The following ENKUR variants were observed in gnomAD, a reference collection of about 807,000 sequenced individuals.
The protein encoded by ENKUR is enkurin, TRPC channel interacting protein.
Under a neutral mutation model 27.6 loss-of-function variants are expected in ENKUR, and 19 were observed. That is an observed-to-expected ratio of 0.69 (90% CI 0.48 to 1.01). The LOEUF (loss-of-function observed/expected upper bound fraction) is 1.01. Among genes scored for constraint, ENKUR ranks in the 50% least tolerant of loss-of-function variants. The pLI is 0.00. For missense variants in ENKUR, 312 were observed against 310.5 expected (o/e 1.00, Z -0.04); for synonymous variants, 117 against 96.9 (o/e 1.21, Z -1.22).
intron 2 of ENKUR, chr10:25,025,507 C>G (rs1850832818): frequency 6.7e-7 from 1 of 1,497,886 alleles, no homozygotes. Context: ...AATAATAAAT[C>G]TCAAACACTG....
chr10:24,989,451 A>G (rs1296029642), intron 4 of ENKUR, among the ~76,000 whole-genome samples: 1 of 152,202 alleles, frequency 6.6e-6, no homozygotes, highest in Non-Finnish European at 1.5e-5. Context: ...CTAACGATCT[A>G]CAATCCTCCA....
At chr10:25,009,418 AT>A (rs770932641) in intron 1 of ENKUR, among the ~76,000 whole-genome samples, 27 of 152,324 alleles carry the variant, frequency 1.8e-4, no homozygotes, top group Non-Finnish European at 3.8e-4. Flanking sequence ...AAAAAATAAG[AT>A]TATGTGATTA....
intron 1 of ENKUR, among the ~76,000 whole-genome samples, chr10:25,012,601 G>T (rs1488593356): frequency 6.6e-6 from 1 of 152,208 alleles, no homozygotes; most frequent in African/African-American, 2.4e-5. Context: ...TTAGAATCTG[G>T]ACTTGCAAGG....
chr10:25,051,894 C>T (rs1219914710), intron 2 of ENKUR, among the ~76,000 whole-genome samples: 2 of 152,194 alleles, frequency 1.3e-5, no homozygotes, highest in African/African-American at 4.8e-5. Context: ...TCCCCTGTTC[C>T]TCTGAAATGA....
chr10:24,986,797 G>A (rs115874416), intron 4 of ENKUR, among the ~76,000 whole-genome samples: 5 of 152,106 alleles, frequency 3.3e-5, no homozygotes, highest in East Asian at 1.9e-4. Flanking sequence ...AATACGCTAC[G>A]TGCTGACTTT....
At chr10:25,033,925 CTA>C (rs953643447) in intron 2 of ENKUR, among the ~76,000 whole-genome samples, 1 of 151,694 alleles carries the variant, frequency 6.6e-6, no homozygotes, top group Non-Finnish European at 1.5e-5. Context: ...ATCTCTCTCT[CTA>C]TATATATGTA....
rs1020685527 is a variant in ENKUR, at chr10:25,057,135, T to C, written c.37+3977A>G. Reference sequence around the variant, plus strand: ...GAAAAAGTAAAAAGAAAATGAGCTATATAATACAAAATGTATGTACATTTA... The same window carrying C: ...GAAAAAGTAAAAAGAAAATGAGCTACATAATACAAAATGTATGTACATTTA... On this transcript the variant is annotated intron_variant, in intron 2 of 5. Coordinates refer to the ENKUR transcript ENST00000615958. Among the ~76,000 whole-genome samples, 5 of 152,140 alleles carry C rather than the reference T, an allele frequency of 3.3e-5. No homozygotes were observed. The East Asian group carries it at 7.7e-4, about 23-fold the overall frequency.
chr10:25,009,279 A>C (rs1564342816), intron 1 of ENKUR, among the ~76,000 whole-genome samples: 5 of 152,100 alleles, frequency 3.3e-5, no homozygotes, highest in Non-Finnish European at 7.4e-5. Flanking sequence ...TGCATGCAGA[A>C]ATTCTACACT....
intron 2 of ENKUR, chr10:25,024,554 T>C: frequency 6.2e-7 from 1 of 1,614,146 alleles, no homozygotes; most frequent in African/African-American, 1.3e-5. Flanking sequence ...CAGACAGCTA[T>C]AAAAAGAATT....
Position 24,990,317 on chromosome 10 carries a change from C to T in ENKUR, c.594+146G>A. On this transcript the variant is annotated intron_variant, in intron 4 of 5. Transcript: ENST00000331161. ...TGCTCTCTCCAAAGAGTCAGCTTTGCTGTATGTAGTTTTTAACTGTAACCC... is the reference window on the plus strand; with the variant it reads ...TGCTCTCTCCAAAGAGTCAGCTTTGTTGTATGTAGTTTTTAACTGTAACCC... 3.1e-6 allele frequency: 3 copies of T among 977,844 alleles called. No individual in the cohort carries two copies. In the Middle Eastern group the frequency reaches 6.7e-4, roughly 217 times the overall value. 60.6% of individuals were successfully genotyped at this position (977,844 alleles called of 1,614,324 possible). A position where few individuals can be genotyped will look rare whatever the true frequency, so the allele number is the denominator to read the frequency against.
chr10:25,051,365 T>C (rs1037376442), intron 2 of ENKUR, among the ~76,000 whole-genome samples: 1 of 152,210 alleles, frequency 6.6e-6, no homozygotes, highest in Admixed American at 6.5e-5. Context: ...TGCATTGTTA[T>C]AAAGAAATAC....
Position 25,010,418 on chromosome 10 carries a change from T to C in ENKUR, c.77+5442A>G, listed in dbSNP as rs138494715. On this transcript the variant is annotated intron_variant, in intron 1 of 5. Transcript: ENST00000331161. ...ATTCAGTTTTATGTATTCACAAAGA[T>C]ATGGTTTGGAATTGGAACTCATTTT... Among the ~76,000 whole-genome samples the C allele has an allele frequency of 7.4e-3, 1,132 of 152,266 alleles. 17 individuals are homozygous for C. Among genetic ancestry groups the C allele is most frequent in the African/African-American group, 0.025 (1,036 of 41,538 alleles).
intron 1 of ENKUR, among the ~76,000 whole-genome samples, chr10:25,009,209 A>G (rs1850383722): frequency 6.6e-6 from 1 of 152,206 alleles, no homozygotes; most frequent in Non-Finnish European, 1.5e-5. Flanking sequence ...TACATATGTA[A>G]CAAACCTGCA....
rs546141785 is a variant in ENKUR at position 24,999,653 on chromosome 10, C to T, written c.78-107G>A. ...TTTTTAATTTATTTAAGTCTATATT[C>T]GTATGGAAAAGCATAATCATAAAAC... On this transcript the variant is annotated intron_variant, in intron 1 of 5. Transcript: ENST00000331161. 1.3e-3 allele frequency: 1,407 copies of T among 1,042,766 alleles called. 4 individuals carry two copies. The highest frequency in any genetic ancestry group is 1.8e-3 in the Non-Finnish European group (1,295 of 725,192). The allele number at this position is 1,042,766 out of a possible 1,614,324, so 64.6% of individuals were successfully genotyped here.
intron 2 of ENKUR, among the ~76,000 whole-genome samples, chr10:25,049,526 G>A (rs1851159829): frequency 6.6e-6 from 1 of 152,166 alleles, no homozygotes. Flanking sequence ...GGTGGCTCAT[G>A]CCTATAATCC....
At chr10:25,053,790 T>C (rs1262780314) in intron 2 of ENKUR, among the ~76,000 whole-genome samples, 1 of 150,496 alleles carries the variant, frequency 6.6e-6, no homozygotes, top group Admixed American at 6.6e-5. Flanking sequence ...TACCCAGCAC[T>C]GATTTTTTTT....
chr10:24,988,232 A>ATG lies in ENKUR; in HGVS notation c.594+2229_594+2230dup, dbSNP rs1001130691. On this transcript the variant is annotated intron_variant, in intron 4 of 5. Coordinates refer to ENST00000331161, the MANE Select transcript of ENKUR (RefSeq NM_145010.4). The stretch of plus-strand genomic sequence containing the variant: ...GAGCAAGACTTCATCTCAAAAAAAA[A>ATG]TGTATATATATATATATATGTGTAT... 7.6e-5 allele frequency among the ~76,000 whole-genome samples: 11 copies of ATG among 145,486 alleles called. No individual in the cohort carries two copies. In the South Asian group the frequency reaches 8.5e-4, roughly 11 times the overall value.
chr10:25,025,267 A>G (rs1303863317), intron 2 of ENKUR: 1 of 1,614,126 alleles, frequency 6.2e-7, no homozygotes, highest in African/African-American at 1.3e-5. Context: ...TTTAAAGATT[A>G]AAGAAATCAA....
intron 2 of ENKUR, among the ~76,000 whole-genome samples, chr10:25,054,514 C>CTTTCTTTCTTTCT (rs1851229179): frequency 3.8e-5 from 1 of 26,520 alleles, no homozygotes; most frequent in African/African-American, 1.4e-4. Flanking sequence ...TCTTTCTTTC[C>CTTTCTTTCTTTCT]TTTCTTTCTT....
Sources: allele counts gnomAD v4.1 joint callset (sites outside exome capture counted in the v4.1 genomes callset), GRCh38; gene constraint gnomAD v4.1.1; transcripts MANE v1.5; gene names NCBI Gene and HGNC (gene_info 2026-07-23, HGNC 2026-07-21).